BRF1: variants seen among roughly 807,000 people sequenced by gnomAD.
The protein encoded by BRF1 is transcription factor IIIB 90 kDa subunit.
A neutral mutation model predicts 81.7 loss-of-function variants in BRF1; 59 were observed. The ratio of observed to expected loss-of-function variants is 0.72; its 90% CI spans 0.59 to 0.90. The LOEUF (loss-of-function observed/expected upper bound fraction) is 0.90. Ranked by LOEUF, BRF1 falls within the 40% of genes least tolerant of loss-of-function variation. The probability of loss-of-function intolerance (pLI) is 0.00; values close to 1 mark genes in which losing one functional copy is unlikely to be tolerated. For synonymous variants in BRF1, 491 were observed against 395.6 expected, an observed-to-expected ratio of 1.24 and a Z score of -2.86; for missense variants, 1,050 against 936.3, an observed-to-expected ratio of 1.12 and a Z score of -1.58.
intron 3 of BRF1, among the ~76,000 whole-genome samples, chr14:105,259,269 C>A (rs1009124607): frequency 6.6e-6 from 1 of 152,014 alleles, no homozygotes; most frequent in Non-Finnish European, 1.5e-5. Flanking sequence ...CACAGTGAGA[C>A]CCTGTTTCTA....
chr14:105,299,626 G>A (rs1006703205), intron 1 of BRF1, among the ~76,000 whole-genome samples: 2 of 152,072 alleles, frequency 1.3e-5, no homozygotes, highest in East Asian at 1.9e-4. Context: ...AAGAGGATTC[G>A]GGCATGGCAA....
chr14:105,300,366 G>T, intron 1 of BRF1, 80 bp downstream of exon 1: 6 of 1,364,846 alleles, frequency 4.4e-6, no homozygotes, highest in Non-Finnish European at 5.7e-6. Flanking sequence ...CGAGGCGCTG[G>T]TCCCGGCCGC....
At chr14:105,273,964 T>A (rs587740938) in intron 2 of BRF1, among the ~76,000 whole-genome samples, 19 of 152,334 alleles carry the variant, frequency 1.2e-4, no homozygotes, top group African/African-American at 4.3e-4. Flanking sequence ...CAGGAAGGCC[T>A]CTGTCTCCTG....
chr14:105,303,533 G>A (rs958826087), upstream of BRF1, among the ~76,000 whole-genome samples: 2 of 152,210 alleles, frequency 1.3e-5, no homozygotes, highest in Non-Finnish European at 2.9e-5. Context: ...GTGAGCCATC[G>A]CGCCTGGCCT....
intron 3 of BRF1, among the ~76,000 whole-genome samples, chr14:105,265,045 C>CGTTT (rs2056339191): frequency 7.4e-6 from 1 of 135,176 alleles, no homozygotes; most frequent in Non-Finnish European, 1.6e-5. Flanking sequence ...TCTACTTATC[C>CGTTT]TTTTTTTTGT....
chr14:105,221,101 G>A (rs1038571321), intron 11 of BRF1, among the ~76,000 whole-genome samples: 33 of 152,240 alleles, frequency 2.2e-4, no homozygotes, highest in African/African-American at 7.7e-4. Context: ...AGGGTGAAGC[G>A]TTGCAGGAAG....
intron 15 of BRF1, among the ~76,000 whole-genome samples, chr14:105,214,139 GCCCCAGCCCAGC>G (rs989917437): frequency 4.6e-5 from 7 of 152,220 alleles, no homozygotes; most frequent in Non-Finnish European, 4.4e-5. Flanking sequence ...CTGAAGCTCG[GCCCCAGCCCAGC>G]CTGGGGGGAT....
chr14:105,215,819 A>G (rs1194118483), intron 15 of BRF1, among the ~76,000 whole-genome samples: 2 of 148,480 alleles, frequency 1.3e-5, no homozygotes, highest in South Asian at 2.1e-4. Context: ...ACAGGCACAC[A>G]CACATGCACA....
intron 3 of BRF1, among the ~76,000 whole-genome samples, chr14:105,262,713 C>G (rs2056214930): frequency 6.6e-6 from 1 of 152,214 alleles, no homozygotes; most frequent in Non-Finnish European, 1.5e-5. Context: ...AGGCAGTCAC[C>G]TGACGCTCCC....
Position 105,315,034 on chromosome 14 carries a change from C to T in BRF1, c.-162+288G>A. The T allele has an allele frequency of 8.3e-7, 1 of 1,202,740 alleles. No homozygotes were observed. Among genetic ancestry groups the T allele is most frequent in the East Asian group, 4.9e-5 (1 of 20,302 alleles). 74.5% of individuals were successfully genotyped at this position (1,202,740 alleles called of 1,614,324 possible). A position where few individuals can be genotyped will look rare whatever the true frequency, so the allele number is the denominator to read the frequency against. ...GACGGCTCCAGCCCCAGCTGCGTGC[C>T]CAGGTACGCGCCGCCCGCCGCGCTT... On this transcript the variant is annotated intron_variant, in intron 1 of 17. Transcript: ENST00000327359. This position sits in a 1 kb window ranked among gnomAD's most constrained non-coding sequence, Gnocchi z 4.4.
At chr14:105,268,296 C>A (rs1422056586) in intron 3 of BRF1, among the ~76,000 whole-genome samples, 2 of 152,276 alleles carry the variant, frequency 1.3e-5, no homozygotes, top group African/African-American at 4.8e-5. Context: ...TGAGTCTCTG[C>A]CCGGCATGTC....
At chr14:105,294,648 A>G (rs1025881435) in intron 1 of BRF1, among the ~76,000 whole-genome samples, 5 of 152,220 alleles carry the variant, frequency 3.3e-5, no homozygotes, top group African/African-American at 1.2e-4. Flanking sequence ...AGAAAACTCA[A>G]TGAAGCCCAA....
chr14:105,311,077 C>T (rs1270399415), intron 1 of BRF1, among the ~76,000 whole-genome samples: 9 of 152,078 alleles, frequency 5.9e-5, no homozygotes, highest in Non-Finnish European at 1.2e-4. Context: ...CTCAGCCTCC[C>T]GAGTAGCTGG....
chr14:105,248,144 G>C, intron 5 of BRF1: 1 of 985,526 alleles, frequency 1.0e-6, no homozygotes. Flanking sequence ...AGCCCTCAGA[G>C]CAGAGTGGAC....
intron 5 of BRF1, chr14:105,249,398 G>A: frequency 6.2e-7 from 1 of 1,613,266 alleles, no homozygotes; most frequent in Non-Finnish European, 8.5e-7. Flanking sequence ...TCTATGCCAT[G>A]TTCTACGGAG....
intron 12 of BRF1, chr14:105,219,798 T>G: frequency 7.3e-6 from 4 of 544,744 alleles, no homozygotes; most frequent in Admixed American, 3.1e-5. Flanking sequence ...ATTTGTGCGA[T>G]GTGTGCCTGC....
In BRF1 at chr14:105,228,876, C is replaced by G; in HGVS notation, c.732G>C (p.Arg244Ser). 6.2e-7 allele frequency: 1 copy of G among 1,613,876 alleles called. No individual in the cohort carries two copies. Among genetic ancestry groups the G allele is most frequent in the Non-Finnish European group, 8.5e-7 (1 of 1,180,022 alleles). ...CCACACTGATGACCTCCTTCACAGT[C>G]CTCCTGAAGTCATGCATTCTGGCTG... ...LVAARMHDFRRTVKEVISVVK... is the reference protein window; with the variant it reads ...LVAARMHDFRSTVKEVISVVK... The change falls in exon 7 of 18, where the codon AGG becomes AGC. Residue 244 changes from arginine (R) to serine (S), a missense_variant. Around this residue, in one of 2 missense-constraint regions of BRF1, gnomAD observed 1,043 missense variants for 915.4 expected, o/e 1.14. Coordinates refer to ENST00000547530, the MANE Select transcript of BRF1 (RefSeq NM_001519.4).
rs1891836581 is a variant in BRF1 at position 105,219,182 on chromosome 14, C to T, written c.1428G>A (p.Arg476=). ...GTTCCCGCAGGTACTCGGCGTTCTC[C>T]CTCATCCACAGCTCGGCCTTCACGC... ...EARVKAELWM[R]ENAEYLREQR... is the part of the protein sequence containing the mutation. The change falls in exon 13 of 18, where the codon AGG becomes AGA. Residue 476 remains arginine (R), a synonymous_variant. Transcript: ENST00000547530. 1 of 1,612,646 alleles carries T rather than the reference C, an allele frequency of 6.2e-7. No individual in the cohort carries two copies. Among genetic ancestry groups the T allele is most frequent in the Non-Finnish European group, 8.5e-7 (1 of 1,178,928 alleles).
intron 1 of BRF1, among the ~76,000 whole-genome samples, chr14:105,306,287 G>GTTTGT (rs202210208): frequency 0.067 from 10,135 of 151,472 alleles, 430 homozygotes; most frequent in African/African-American, 0.11. Flanking sequence ...TTGTTTTTGG[G>GTTTGT]TTTGTTTTGT....
Sources: gnomAD v4.1 joint callset for allele counts (sites outside exome capture counted in the v4.1 genomes callset) on GRCh38, gnomAD v4.1.1 for gene constraint, gnomAD v4.1.1 regional missense constraint, Gnocchi (gnomAD v3.1) non-coding constraint, MANE v1.5 for transcripts, NCBI Gene and HGNC (gene_info 2026-07-23, HGNC 2026-07-21) for gene names.